Variants in AP3B1 observed in about 807,000 individuals in gnomAD.
AP3B1 encodes adaptor related protein complex 3 subunit beta 1, also known as AP-3 complex subunit beta-1.
A neutral mutation model predicts 132.5 loss-of-function variants in AP3B1; 61 were observed. That is an observed-to-expected ratio of 0.46 (90% CI 0.37 to 0.57). The LOEUF is 0.57. AP3B1 is among the 20% of genes least tolerant of loss of function. AP3B1 has a pLI of 0.00. For missense variants in AP3B1, 1,120 were observed against 1,289.4 expected (o/e 0.87, Z 2.01); for synonymous variants, 388 against 438.3 (o/e 0.89, Z 1.43).
intron 22 of AP3B1, among the ~76,000 whole-genome samples, chr5:78,078,747 C>T (rs1208084422): frequency 1.3e-5 from 2 of 152,150 alleles, no homozygotes; most frequent in Admixed American, 1.3e-4. Context: ...CTGTGAGCTC[C>T]CTTAGGAAGG....
chr5:78,272,553 C>T (rs1367758873), intron 1 of AP3B1, among the ~76,000 whole-genome samples: 3 of 152,122 alleles, frequency 2.0e-5, no homozygotes, highest in African/African-American at 7.2e-5. Flanking sequence ...TAGGAAAAAC[C>T]CTTGCCCTCA....
At chr5:78,110,766 GTATATATACGTA>G (rs1478280667) in intron 19 of AP3B1, among the ~76,000 whole-genome samples, 197 of 146,668 alleles carry the variant, frequency 1.3e-3, no homozygotes, top group Non-Finnish European at 2.3e-3. Context: ...ATATATTCAT[GTATATATACGTA>G]TATATATACG....
Position 78,002,824 on chromosome 5 carries a change from T to C in AP3B1, c.*78A>G, listed in dbSNP as rs1286218825. The stretch of plus-strand genomic sequence containing the variant: ...CCACTGCCAGATGGAAGGGCTATTA[T>C]TATAAATGAAAGGCAGCAGTAGTGG... On this transcript the variant is annotated 3_prime_UTR_variant, in exon 27 of 27. Transcript: ENST00000255194. 2.0e-5 allele frequency: 30 copies of C among 1,522,536 alleles called. No individual in the cohort carries two copies. Among genetic ancestry groups the C allele is most frequent in the Non-Finnish European group, 2.6e-5 (29 of 1,096,782 alleles). The allele number at this position is 1,522,536 out of a possible 1,614,324, so 94.3% of individuals were successfully genotyped here.
intron 24 of AP3B1, among the ~76,000 whole-genome samples, chr5:78,023,554 G>C (rs919430364): frequency 3.3e-5 from 5 of 152,142 alleles, no homozygotes; most frequent in Admixed American, 1.3e-4. Flanking sequence ...GTAGGGAAGA[G>C]CTGAAGCCTT....
At chr5:78,084,896 T>C (rs951931052) in intron 22 of AP3B1, among the ~76,000 whole-genome samples, 2 of 152,128 alleles carry the variant, frequency 1.3e-5, no homozygotes, top group African/African-American at 4.8e-5. Flanking sequence ...CTTTTTTCCA[T>C]CTGACATTAT....
chr5:78,194,056 C>A (rs185670935), intron 7 of AP3B1, among the ~76,000 whole-genome samples: 36 of 152,096 alleles, frequency 2.4e-4, no homozygotes, highest in South Asian at 6.2e-4. Context: ...CGTGAGCCAC[C>A]ACTCCTGGCC....
intron 23 of AP3B1, among the ~76,000 whole-genome samples, chr5:78,036,305 C>T (rs1184893598): frequency 2.6e-5 from 4 of 152,024 alleles, no homozygotes; most frequent in African/African-American, 2.4e-5. Context: ...TACTTGGAGC[C>T]GACTAAACTG....
At chr5:78,043,132 T>C (rs1748167718) in intron 22 of AP3B1, 1 of 152,990 alleles carries the variant, frequency 6.5e-6, no homozygotes, top group Non-Finnish European at 1.5e-5. Flanking sequence ...ATCATCTCTA[T>C]CTGCCTTTTT....
intron 22 of AP3B1, among the ~76,000 whole-genome samples, chr5:78,053,697 A>AAAG (rs1554060861): frequency 0.15 from 20,669 of 142,524 alleles, 1,904 homozygotes; most frequent in Admixed American, 0.25. Context: ...AAAAAAAAAA[A>AAAG]GAAAGAAAAG....
At chr5:78,259,676 A>G (rs1365906006) in intron 2 of AP3B1, among the ~76,000 whole-genome samples, 1 of 152,156 alleles carries the variant, frequency 6.6e-6, no homozygotes, top group Non-Finnish European at 1.5e-5. Flanking sequence ...AATTAAAAAT[A>G]CATATATATG....
intron 8 of AP3B1, among the ~76,000 whole-genome samples, chr5:78,180,270 G>C (rs1307937010): frequency 6.6e-6 from 1 of 151,928 alleles, no homozygotes; most frequent in African/African-American, 2.4e-5. Flanking sequence ...AAATTCTCAA[G>C]AATCAATTCA....
chr5:78,246,967 C>T (rs1747403898), intron 2 of AP3B1, among the ~76,000 whole-genome samples: 1 of 151,938 alleles, frequency 6.6e-6, no homozygotes, highest in East Asian at 1.9e-4. Flanking sequence ...TATAAATTTC[C>T]TTGTAAGTAC....
chr5:78,286,097 T>G (rs1302223023), intron 1 of AP3B1, among the ~76,000 whole-genome samples: 2 of 152,330 alleles, frequency 1.3e-5, no homozygotes, highest in East Asian at 3.9e-4. Context: ...GGTCTCCGCC[T>G]TCCACTCTGC....
chr5:78,013,957 A>T (rs1223894145), intron 26 of AP3B1, among the ~76,000 whole-genome samples: 2 of 152,130 alleles, frequency 1.3e-5, no homozygotes, highest in African/African-American at 2.4e-5. Flanking sequence ...AGGTCAGGAG[A>T]TCGAGACCAT....
At chr5:78,103,993 T>C (rs1751231435) in intron 20 of AP3B1, among the ~76,000 whole-genome samples, 1 of 152,068 alleles carries the variant, frequency 6.6e-6, no homozygotes, top group Admixed American at 6.5e-5. Context: ...AGATCTGACA[T>C]GACAAGCATC....
intron 7 of AP3B1, among the ~76,000 whole-genome samples, chr5:78,207,341 C>T (rs1039165266): frequency 6.6e-6 from 1 of 151,234 alleles, no homozygotes; most frequent in African/African-American, 2.4e-5. Flanking sequence ...GCAGGAAAAT[C>T]ACTTGAGCCT....
At chr5:78,072,009 G>A (rs1426533489) in intron 22 of AP3B1, among the ~76,000 whole-genome samples, 3 of 152,128 alleles carry the variant, frequency 2.0e-5, no homozygotes, top group African/African-American at 7.2e-5. Flanking sequence ...ATTCTATGAA[G>A]CATGAATGTC....
chr5:78,016,656 G>A (rs1238310553), intron 25 of AP3B1, among the ~76,000 whole-genome samples: 1 of 151,986 alleles, frequency 6.6e-6, no homozygotes, highest in Non-Finnish European at 1.5e-5. Context: ...GAATCCCTAC[G>A]ATTAACAGTA....
intron 18 of AP3B1, 162 bp downstream of exon 18, chr5:78,115,964 C>T: frequency 1.5e-6 from 1 of 673,620 alleles, no homozygotes; most frequent in South Asian, 1.6e-5. Flanking sequence ...TTAAAAATTA[C>T]TTTGAAAACT....
Sources: allele counts gnomAD v4.1 joint callset (sites outside exome capture counted in the v4.1 genomes callset), GRCh38; gene constraint gnomAD v4.1.1; transcripts MANE v1.5; gene names NCBI Gene and HGNC (gene_info 2026-07-23, HGNC 2026-07-21).